The following KCNIP4 variants were observed in gnomAD, a reference collection of about 807,000 sequenced individuals.
KCNIP4 encodes the protein Kv channel-interacting protein 4.
In KCNIP4, 12 loss-of-function variants were observed where a neutral mutation model predicts 34.0. That is an observed-to-expected ratio of 0.35 (90% CI 0.23 to 0.57). KCNIP4 has a LOEUF of 0.57. Ranked by LOEUF, KCNIP4 falls within the 20% of genes least tolerant of loss-of-function variation. KCNIP4 has a pLI of 0.83. For synonymous variants in KCNIP4, 124 were observed against 102.2 expected (o/e 1.21, Z -1.29); for missense variants, 238 against 311.7 (o/e 0.76, Z 1.78).
intron 1 of KCNIP4, among the ~76,000 whole-genome samples, chr4:21,216,748 A>G (rs1222007632): frequency 6.6e-6 from 1 of 152,124 alleles, no homozygotes; most frequent in African/African-American, 2.4e-5. Flanking sequence ...CATGAACCCA[A>G]GTGGCCCTGT....
chr4:21,574,621 G>T (rs1335795571), intron 1 of KCNIP4, among the ~76,000 whole-genome samples: 1 of 152,052 alleles, frequency 6.6e-6, no homozygotes, highest in East Asian at 1.9e-4. Flanking sequence ...AGATTTGAAG[G>T]AGACTATAGT....
intron 1 of KCNIP4, among the ~76,000 whole-genome samples, chr4:21,509,675 T>C (rs774917838): frequency 1.8e-4 from 28 of 152,208 alleles, no homozygotes; most frequent in Non-Finnish European, 3.1e-4. Context: ...ACATAGCATA[T>C]CCCTATCTTT....
At chr4:21,482,778 C>A (rs1042093422) in intron 1 of KCNIP4, among the ~76,000 whole-genome samples, 1 of 151,980 alleles carries the variant, frequency 6.6e-6, no homozygotes, top group Non-Finnish European at 1.5e-5. Flanking sequence ...GTGAATCTGA[C>A]AATTATGTGT....
At position 21,594,682 on chromosome 4, in the gene KCNIP4, C is replaced by T. The variant is rs368976007; in HGVS notation, c.61+353889G>A. ...TAATTTGATCTCAGGAAGAAAAATG[C>T]TGCTCAGAGATAAAGATAATTTAAA... On this transcript the variant is annotated intron_variant, in intron 1 of 8. Coordinates refer to ENST00000382152, the MANE Select transcript of KCNIP4 (RefSeq NM_025221.6). Among the ~76,000 whole-genome samples, 213 of 151,960 alleles carry T rather than the reference C, an allele frequency of 1.4e-3. 2 individuals carry two copies. The highest frequency in any genetic ancestry group is 0.012 in the South Asian group (56 of 4,802).
chr4:21,294,070 T>C (rs1763698758), intron 1 of KCNIP4, among the ~76,000 whole-genome samples: 1 of 152,200 alleles, frequency 6.6e-6, no homozygotes, highest in Non-Finnish European at 1.5e-5. Context: ...CAAATACAAC[T>C]GGATCATAAA....
At chr4:21,077,239 A>G (rs1027091778) in intron 1 of KCNIP4, among the ~76,000 whole-genome samples, 2 of 152,156 alleles carry the variant, frequency 1.3e-5, no homozygotes, top group African/African-American at 4.8e-5. Context: ...CATTGCCTCG[A>G]AGTAAATCAA....
chr4:21,667,899 C>T (rs965102289), intron 1 of KCNIP4, among the ~76,000 whole-genome samples: 1 of 152,108 alleles, frequency 6.6e-6, no homozygotes, highest in African/African-American at 2.4e-5. Context: ...CTTCAGTACT[C>T]TGCAGCATCT....
chr4:21,135,263 G>A (rs1751417142), intron 1 of KCNIP4, among the ~76,000 whole-genome samples: 1 of 152,196 alleles, frequency 6.6e-6, no homozygotes, highest in East Asian at 1.9e-4. Flanking sequence ...AAGAGGGAAA[G>A]CAGTGCTTTC....
At chr4:21,936,386 C>A (rs548760580) in intron 1 of KCNIP4, among the ~76,000 whole-genome samples, 2 of 152,112 alleles carry the variant, frequency 1.3e-5, no homozygotes, top group Non-Finnish European at 2.9e-5. Flanking sequence ...TTGTCTTCTA[C>A]CATGACGGTG....
At chr4:21,416,320 G>T (rs1443029804) in intron 1 of KCNIP4, among the ~76,000 whole-genome samples, 1 of 152,180 alleles carries the variant, frequency 6.6e-6, no homozygotes, top group Non-Finnish European at 1.5e-5. Context: ...GAGGCATCTT[G>T]TAAAGATGTG....
At chr4:21,023,715 T>C (rs1740274367) in intron 1 of KCNIP4, among the ~76,000 whole-genome samples, 1 of 151,842 alleles carries the variant, frequency 6.6e-6, no homozygotes, top group Non-Finnish European at 1.5e-5. Flanking sequence ...ACCCTATCTC[T>C]ACAAAAAAAT....
chr4:21,436,394 C>CT (rs1324485916), intron 1 of KCNIP4, among the ~76,000 whole-genome samples: 2 of 152,118 alleles, frequency 1.3e-5, no homozygotes, highest in Admixed American at 6.6e-5. Flanking sequence ...CATCTTTACT[C>CT]TTTTTTTGGA....
At chr4:21,798,493 T>G (rs1578004247) in intron 1 of KCNIP4, among the ~76,000 whole-genome samples, 2 of 102,812 alleles carry the variant, frequency 1.9e-5, no homozygotes, top group Admixed American at 1.4e-4. Context: ...CCAGCCTGGG[T>G]GAGAAAGCAA....
At chr4:21,029,414 C>T (rs1740820589) in intron 1 of KCNIP4, among the ~76,000 whole-genome samples, 1 of 152,160 alleles carries the variant, frequency 6.6e-6, no homozygotes, top group Admixed American at 6.5e-5. Flanking sequence ...ACTAACAGTG[C>T]AGTAATTGTT....
chr4:21,502,770 C>G (rs558767243), intron 1 of KCNIP4, among the ~76,000 whole-genome samples: 1 of 152,162 alleles, frequency 6.6e-6, no homozygotes, highest in Non-Finnish European at 1.5e-5. Context: ...CCAAAAGTTA[C>G]AGGTCCTATT....
chr4:21,072,420 T>C (rs545382908), intron 1 of KCNIP4, among the ~76,000 whole-genome samples: 129 of 152,326 alleles, frequency 8.5e-4, no homozygotes, highest in African/African-American at 3.0e-3. Context: ...TTCATGTGTC[T>C]GTTGGCTGCA....
intron 1 of KCNIP4, among the ~76,000 whole-genome samples, chr4:21,632,901 C>T (rs758063021): frequency 1.2e-3 from 178 of 152,284 alleles, no homozygotes; most frequent in Non-Finnish European, 2.1e-3. Context: ...CCTCTGGATG[C>T]CCCAAAAGAG....
chr4:20,978,088 A>G (rs1341432230), intron 1 of KCNIP4, among the ~76,000 whole-genome samples: 1 of 152,154 alleles, frequency 6.6e-6, no homozygotes, highest in Non-Finnish European at 1.5e-5. Context: ...TTGCTTTTCC[A>G]TCAAACCAGA....
intron 1 of KCNIP4, among the ~76,000 whole-genome samples, chr4:21,314,043 T>A (rs2109281293): frequency 6.6e-6 from 1 of 152,234 alleles, no homozygotes; most frequent in Non-Finnish European, 1.5e-5. Context: ...AAGATCACAG[T>A]TTGTTGAAAG....
Sources: allele counts gnomAD v4.1 joint callset (sites outside exome capture counted in the v4.1 genomes callset), GRCh38; gene constraint gnomAD v4.1.1; transcripts MANE v1.5; gene names NCBI Gene and HGNC (gene_info 2026-07-23, HGNC 2026-07-21).